The following VPS37A variants were observed in gnomAD, a reference collection of about 807,000 sequenced individuals.
VPS37A encodes the protein VPS37A subunit of ESCRT-I, also known as vacuolar protein sorting-associated protein 37A.
VPS37A carries 30 observed loss-of-function variants against 49.8 expected under a neutral mutation model. The ratio of observed to expected loss-of-function variants is 0.60; its 90% confidence interval spans 0.45 to 0.82. VPS37A has a LOEUF of 0.82. Among genes scored for constraint, VPS37A ranks in the 40% least tolerant of loss-of-function variants. VPS37A has a pLI of 0.00. For synonymous variants in VPS37A, 195 were observed against 160.6 expected (o/e 1.21, Z -1.62); for missense variants, 593 against 464.4 (o/e 1.28, Z -2.55).
chr8:17,326,683 T>G, the VPS37A span, among the ~76,000 whole-genome samples: 1 of 152,202 alleles, frequency 6.6e-6, no homozygotes, highest in Non-Finnish European at 1.5e-5. Context: ...ACAGCCAACA[T>G]GTGGGGCCCT....
chr8:17,309,978 T>G, the VPS37A span, among the ~76,000 whole-genome samples: 1 of 152,114 alleles, frequency 6.6e-6, no homozygotes, highest in Non-Finnish European at 1.5e-5. Context: ...TTTATTTTGG[T>G]TTTGTATTTT....
At chr8:17,331,091 C>A in the VPS37A span, 1 of 1,557,162 alleles carries the variant, frequency 6.4e-7, no homozygotes, top group South Asian at 1.2e-5. Context: ...TATCTTATTC[C>A]CTTTTGGCAT....
intron 1 of VPS37A, among the ~76,000 whole-genome samples, chr8:17,260,298 A>G (rs1254451487): frequency 6.6e-6 from 1 of 152,156 alleles, no homozygotes; most frequent in African/African-American, 2.4e-5. Context: ...AAGAGACAAT[A>G]ACTTAGATCA....
At chr8:17,319,427 A>G in the VPS37A span, among the ~76,000 whole-genome samples, 1 of 152,160 alleles carries the variant, frequency 6.6e-6, no homozygotes, top group Non-Finnish European at 1.5e-5. Flanking sequence ...AAACATGTCA[A>G]CGCTGAAGCT....
At chr8:17,328,319 C>T in the VPS37A span, among the ~76,000 whole-genome samples, 1 of 152,168 alleles carries the variant, frequency 6.6e-6, no homozygotes, top group Non-Finnish European at 1.5e-5. Flanking sequence ...CCACTTCCTC[C>T]CCAACACCCA....
chr8:17,280,189 G>C (rs755085188), intron 7 of VPS37A, 34 bp downstream of exon 7: 1 of 1,608,636 alleles, frequency 6.2e-7, no homozygotes, highest in African/African-American at 1.3e-5. Flanking sequence ...CACATTTCCT[G>C]AAAAAAATCT....
At chr8:17,329,821 C>T in the VPS37A span, among the ~76,000 whole-genome samples, 1 of 152,166 alleles carries the variant, frequency 6.6e-6, no homozygotes, top group Non-Finnish European at 1.5e-5. Context: ...CTCAAATAAT[C>T]ATGCCCAGGG....
At chr8:17,263,776 T>C (rs374995288) in intron 1 of VPS37A, among the ~76,000 whole-genome samples, 8 of 152,178 alleles carry the variant, frequency 5.3e-5, no homozygotes, top group South Asian at 2.1e-4. Context: ...AAACCCCTTA[T>C]CTACAAAATA....
intron 3 of VPS37A, 94 bp downstream of exon 3, chr8:17,268,466 C>T: frequency 1.1e-6 from 1 of 938,610 alleles, no homozygotes; most frequent in Non-Finnish European, 1.6e-6. Context: ...TTTAAAGTTT[C>T]ATTTTGTCAT....
chr8:17,306,697 C>T (rs1172676590), downstream of VPS37A, among the ~76,000 whole-genome samples: 5 of 152,130 alleles, frequency 3.3e-5, no homozygotes. Context: ...AGATCATCAC[C>T]TTGAGGAAGA....
At position 17,247,304 on chromosome 8, in the gene VPS37A, T is replaced by C; in HGVS notation, c.60T>C (p.Gly20=). 1 of 1,563,198 alleles carries C rather than the reference T, an allele frequency of 6.4e-7. No individual in the cohort carries two copies. ...SASSSAAGSP[G]GLTSLQQQKQ... ...CCTCCTCCGCGGCTGGGTCCCCCGG[T>C]GGCCTCACCAGCCTCCAGCAGCAGA... The change falls in exon 1 of 12, where the codon GGT becomes GGC. Residue 20 remains glycine (G), a synonymous_variant. Coordinates refer to ENST00000324849, the MANE Select transcript of VPS37A (RefSeq NM_152415.3).
chr8:17,307,884 T>G, the VPS37A span, among the ~76,000 whole-genome samples: 2 of 146,870 alleles, frequency 1.4e-5, no homozygotes, highest in East Asian at 2.0e-4. Flanking sequence ...CCGGGGACTG[T>G]TGTGGGGTGG....
intron 1 of VPS37A, among the ~76,000 whole-genome samples, chr8:17,254,200 G>T (rs149479585): frequency 6.6e-6 from 1 of 152,124 alleles, no homozygotes; most frequent in Non-Finnish European, 1.5e-5. Context: ...GTTTGCCATA[G>T]TCTGCTTCTG....
At chr8:17,309,305 T>G in the VPS37A span, 1 of 1,568,192 alleles carries the variant, frequency 6.4e-7, no homozygotes, top group Non-Finnish European at 8.8e-7. Context: ...CCAAAGGAAA[T>G]CCAGTCCTTT....
intron 1 of VPS37A, among the ~76,000 whole-genome samples, chr8:17,264,247 G>T (rs1258179262): frequency 6.6e-6 from 1 of 152,108 alleles, no homozygotes; most frequent in Non-Finnish European, 1.5e-5. Flanking sequence ...TCACTAAGAT[G>T]CTCTAGTTGA....
At position 17,251,793 on chromosome 8, in the gene VPS37A, A is replaced by G. The variant is rs373083610; in HGVS notation, c.125+4424A>G. 2.6e-5 allele frequency among the ~76,000 whole-genome samples: 4 copies of G among 152,304 alleles called. No individual in the cohort carries two copies. The East Asian group carries it at 5.8e-4, about 22-fold the overall frequency. ...TCCCTAGTCTTTAAAATTTGTTTTA[A>G]TATTTTCTTTTGCTGCCAGTCTGCG... On this transcript the variant is annotated intron_variant, in intron 1 of 11. Transcript: ENST00000324849.
At chr8:17,323,446 T>C in the VPS37A span, among the ~76,000 whole-genome samples, 1 of 151,968 alleles carries the variant, frequency 6.6e-6, no homozygotes, top group Non-Finnish European at 1.5e-5. Context: ...TAAGGGATGC[T>C]AAAATCTAAC....
At chr8:17,256,548 G>C (rs1326375872) in intron 1 of VPS37A, among the ~76,000 whole-genome samples, 1 of 151,650 alleles carries the variant, frequency 6.6e-6, no homozygotes, top group Non-Finnish European at 1.5e-5. Flanking sequence ...TTAATCCTTT[G>C]TCAGATGGAT....
the VPS37A span, among the ~76,000 whole-genome samples, chr8:17,309,026 A>C: frequency 5.6e-4 from 86 of 152,246 alleles, 2 homozygotes; most frequent in Non-Finnish European, 2.9e-5. Context: ...ATCCTCACTA[A>C]GACAATGAAC....
Sources: allele counts gnomAD v4.1 joint callset (sites outside exome capture counted in the v4.1 genomes callset), GRCh38; gene constraint gnomAD v4.1.1; transcripts MANE v1.5; gene names NCBI Gene and HGNC (gene_info 2026-07-23, HGNC 2026-07-21).